The following HMSD variants were observed in gnomAD, a reference collection of about 807,000 sequenced individuals.
HMSD encodes histocompatibility minor serpin domain containing.
In HMSD, 13 loss-of-function variants were observed where a neutral mutation model predicts 10.0. That is an observed-to-expected ratio of 1.31 (90% confidence interval 0.85 to 2.08). The LOEUF (loss-of-function observed/expected upper bound fraction) is 2.08. Among genes scored for constraint, HMSD ranks in the 30% most tolerant of loss-of-function variants. The probability of loss-of-function intolerance (pLI) is 0.00; values close to 1 mark genes in which losing one functional copy is unlikely to be tolerated. For missense variants in HMSD, 169 were observed against 166.3 expected (o/e 1.02, Z -0.09); for synonymous variants, 51 against 54.2 (o/e 0.94, Z 0.26).
At chr18:63,955,964 T>G (rs1003732492) in intron 3 of HMSD, among the ~76,000 whole-genome samples, 6 of 152,194 alleles carry the variant, frequency 3.9e-5, no homozygotes, top group African/African-American at 1.4e-4. Context: ...CCCACTGTGC[T>G]TTTAGACTGG....
intron 3 of HMSD, among the ~76,000 whole-genome samples, chr18:63,967,668 C>T (rs1367444784): frequency 2.0e-5 from 3 of 152,094 alleles, no homozygotes; most frequent in South Asian, 4.2e-4. Flanking sequence ...AAGGTTGAGT[C>T]GGGAGTTGAG....
chr18:63,957,991 A>G (rs1019612035), intron 3 of HMSD, among the ~76,000 whole-genome samples: 2 of 152,194 alleles, frequency 1.3e-5, no homozygotes, highest in African/African-American at 4.8e-5. Context: ...AAGATCACCT[A>G]GGCGTGCAAG....
chr18:63,963,110 TTTC>T (rs1568261364), downstream of HMSD, among the ~76,000 whole-genome samples: 4 of 139,416 alleles, frequency 2.9e-5, no homozygotes, highest in African/African-American at 1.1e-4. Flanking sequence ...TCTTTCTTTC[TTTC>T]TTTCTTTCTT....
chr18:63,953,460 G>A lies in HMSD; in HGVS notation c.5G>A (p.Ser2Asn). 1 of 1,613,698 alleles carries A rather than the reference G, an allele frequency of 6.2e-7. No homozygotes were observed. Among genetic ancestry groups the A allele is most frequent in the Non-Finnish European group, 8.5e-7 (1 of 1,179,716 alleles). ...AAACAACTTATTTTTTTCCCCATGA[G>A]CATATCATCAGCCTTGGCCATGGTT... M[S>N]ISSALAMVFM... The change falls in exon 2 of 4, where the codon AGC becomes AAC. Residue 2 changes from serine to asparagine, a missense_variant. Physicochemically the swap from Ser to Asn is conservative, Grantham distance 46. Transcript: ENST00000408945.
chr18:63,952,482 C>A (rs2144756118), intron 1 of HMSD, among the ~76,000 whole-genome samples: 1 of 152,178 alleles, frequency 6.6e-6, no homozygotes, highest in Admixed American at 6.5e-5. Context: ...TCCCTGTAGT[C>A]TTTTTATCTA....
At chr18:63,958,841 A>G (rs534525472) in intron 3 of HMSD, among the ~76,000 whole-genome samples, 11 of 152,140 alleles carry the variant, frequency 7.2e-5, no homozygotes, top group African/African-American at 1.9e-4. Flanking sequence ...AGGATTGTAT[A>G]TGTTTCCCAT....
At chr18:63,956,885 G>A (rs1345486262) in intron 3 of HMSD, among the ~76,000 whole-genome samples, 1 of 152,100 alleles carries the variant, frequency 6.6e-6, no homozygotes, top group Non-Finnish European at 1.5e-5. Flanking sequence ...GAAATACGAT[G>A]CAGCCATAAA....
intron 1 of HMSD, among the ~76,000 whole-genome samples, chr18:63,949,709 C>G (rs2050319126): frequency 6.6e-6 from 1 of 152,110 alleles, no homozygotes; most frequent in South Asian, 2.1e-4. Flanking sequence ...CCTGCAGGAG[C>G]TGGAAGTAGG....
chr18:63,963,064 TTTCTTTC>T (rs879385705), downstream of HMSD, among the ~76,000 whole-genome samples: 4,757 of 71,856 alleles, frequency 0.066, 179 homozygotes, highest in Non-Finnish European at 0.075. Context: ...CTTTCTTTCT[TTTCTTTC>T]TCTTTCTTTC....
At chr18:63,952,914 T>G (rs1278150471) in intron 1 of HMSD, among the ~76,000 whole-genome samples, 1 of 152,246 alleles carries the variant, frequency 6.6e-6, no homozygotes, top group African/African-American at 2.4e-5. Context: ...GAATACCTAT[T>G]TTACCAGTAT....
At chr18:63,969,210 G>C (rs1011012080) in intron 3 of HMSD, 2 of 152,188 alleles carry the variant, frequency 1.3e-5, no homozygotes, top group South Asian at 4.1e-4. Context: ...AAATCAAGAC[G>C]TGAAGAGGCT....
chr18:63,960,205 G>A lies in HMSD; in HGVS notation c.270G>A (p.Gln90=), dbSNP rs752613870. 2 of 1,613,058 alleles carry A rather than the reference G, an allele frequency of 1.2e-6. No homozygotes were observed. Among genetic ancestry groups the A allele is most frequent in the African/African-American group, 1.3e-5 (1 of 74,894 alleles). The change falls in exon 4 of 4, where the codon CAG becomes CAA. Residue 90 remains glutamine, a synonymous_variant. Transcript: ENST00000408945. ...AATTCTACCAAGCAACGATAAAACA[G>A]CTAGACTTTGTGAATGATACAGAGA... ...CGKFYQATIK[Q]LDFVNDTEKS...
chr18:63,952,462 G>C (rs1370171597), intron 1 of HMSD, among the ~76,000 whole-genome samples: 4 of 152,138 alleles, frequency 2.6e-5, no homozygotes, highest in Non-Finnish European at 5.9e-5. Context: ...AATATGTGAT[G>C]TTCAGTGTTT....
chr18:63,954,614 G>C, intron 3 of HMSD, 57 bp downstream of exon 3: 1 of 1,452,908 alleles, frequency 6.9e-7, no homozygotes, highest in Non-Finnish European at 9.6e-7. Flanking sequence ...GGAAGTAGGA[G>C]AATGAATATG....
downstream of HMSD, among the ~76,000 whole-genome samples, chr18:63,964,571 C>T (rs1034106942): frequency 6.6e-6 from 1 of 151,980 alleles, no homozygotes; most frequent in Non-Finnish European, 1.5e-5. Flanking sequence ...ATAGACTGGG[C>T]AGTTTAAGCA....
chr18:63,966,241 G>A (rs370244604), downstream of HMSD, among the ~76,000 whole-genome samples: 1 of 152,144 alleles, frequency 6.6e-6, no homozygotes, highest in Non-Finnish European at 1.5e-5. Flanking sequence ...TTATAACTCA[G>A]TAATCTTTTG....
At chr18:63,954,700 T>G in intron 3 of HMSD, 143 bp downstream of exon 3, 1 of 666,282 alleles carries the variant, frequency 1.5e-6, no homozygotes, top group Non-Finnish European at 2.5e-6. Context: ...TGATTCAGTT[T>G]GATCATCTGT....
chr18:63,951,432 C>T (rs777207896), intron 1 of HMSD, among the ~76,000 whole-genome samples: 1 of 152,052 alleles, frequency 6.6e-6, no homozygotes, highest in Non-Finnish European at 1.5e-5. Context: ...ACTAAATAAA[C>T]CTGCACTCAC....
At chr18:63,967,135 CTT>C (rs112485318) in intron 3 of HMSD, among the ~76,000 whole-genome samples, 1,198 of 83,192 alleles carry the variant, frequency 0.014, 15 homozygotes, top group African/African-American at 0.07. Context: ...CGGTGAGACT[CTT>C]TGTTTTTTGT....
Sources: allele counts gnomAD v4.1 joint callset (sites outside exome capture counted in the v4.1 genomes callset), GRCh38; gene constraint gnomAD v4.1.1; transcripts MANE v1.5; gene names NCBI Gene and HGNC (gene_info 2026-07-23, HGNC 2026-07-21).